The following SEMA6D variants were observed in gnomAD, a reference collection of about 807,000 sequenced individuals.
The protein encoded by SEMA6D is semaphorin 6D, also known as semaphorin-6D.
SEMA6D carries 35 observed loss-of-function variants against 106.6 expected under a neutral mutation model. That is an observed-to-expected ratio of 0.33 (90% CI 0.25 to 0.44). SEMA6D has a LOEUF of 0.44. SEMA6D is among the 20% of genes least tolerant of loss of function. The pLI is 1.00. For missense variants in SEMA6D, 1,185 were observed against 1,345.9 expected, an observed-to-expected ratio of 0.88 and a Z score of 1.87; for synonymous variants, 499 against 487.7, an observed-to-expected ratio of 1.02 and a Z score of -0.31.
intron 1 of SEMA6D, among the ~76,000 whole-genome samples, chr15:47,398,620 T>C (rs2040296020): frequency 6.6e-6 from 1 of 152,130 alleles, no homozygotes; most frequent in Non-Finnish European, 1.5e-5. Flanking sequence ...AGAGATTCGG[T>C]TTGGCACGGA....
Position 47,300,337 on chromosome 15 carries a change from T to G in SEMA6D, c.-238-112056T>G, listed in dbSNP as rs149214249. On this transcript the variant is annotated intron_variant, in intron 1 of 19. Transcript: ENST00000558014. ...ACTTATGAAAAAGGGAAATGGAGAG[T>G]TTTACCCATTTTAGGTCAGTATAAA... Among the ~76,000 whole-genome samples, 222 of 151,906 alleles carry G rather than the reference T, an allele frequency of 1.5e-3. 2 individuals are homozygous for G. The highest frequency in any genetic ancestry group is 6.8e-3 in the Middle Eastern group (2 of 294).
chr15:47,407,400 C>CA (rs1272439298), intron 1 of SEMA6D, among the ~76,000 whole-genome samples: 14 of 85,216 alleles, frequency 1.6e-4, no homozygotes, highest in Non-Finnish European at 2.4e-4. Context: ...AAAACAACAA[C>CA]AACAACAACA....
chr15:47,605,946 C>T (rs945615690), intron 4 of SEMA6D, among the ~76,000 whole-genome samples: 1 of 152,074 alleles, frequency 6.6e-6, no homozygotes, highest in African/African-American at 2.4e-5. Flanking sequence ...AATCTCTAAC[C>T]CCTTTTCCCT....
intron 1 of SEMA6D, among the ~76,000 whole-genome samples, chr15:47,197,275 A>G (rs552534022): frequency 7.4e-4 from 113 of 152,274 alleles, no homozygotes; most frequent in African/African-American, 2.7e-3. Flanking sequence ...TATCTTCCAG[A>G]TGTTTAGAGA....
chr15:47,278,911 A>G (rs1360924353), intron 1 of SEMA6D, among the ~76,000 whole-genome samples: 1 of 146,628 alleles, frequency 6.8e-6, no homozygotes, highest in East Asian at 2.0e-4. Flanking sequence ...TTTGTCAGAG[A>G]TCAGATAGTT....
At chr15:47,196,196 G>A (rs947258352) in intron 1 of SEMA6D, among the ~76,000 whole-genome samples, 1 of 152,068 alleles carries the variant, frequency 6.6e-6, no homozygotes, top group Non-Finnish European at 1.5e-5. Context: ...CCAGCTGTTG[G>A]AGACAAGCTC....
In SEMA6D at chr15:47,688,716, C is replaced by T. The variant is rs116785547; in HGVS notation, c.-54-71029C>T. Among the ~76,000 whole-genome samples, 992 of 152,206 alleles carry T rather than the reference C, an allele frequency of 6.5e-3. 18 individuals are homozygous for T. Among genetic ancestry groups the T allele is most frequent in the African/African-American group, 0.022 (934 of 41,532 alleles). ...ACTTATTTTCAAGTTTTGAGTCTAC[C>T]GTTTCATAATGTAACCTGGCAACTT... On this transcript the variant is annotated intron_variant, in intron 4 of 19. Coordinates refer to the SEMA6D transcript ENST00000558014.
intron 3 of SEMA6D, among the ~76,000 whole-genome samples, chr15:47,529,874 T>TTG (rs1422587462): frequency 6.6e-6 from 1 of 152,232 alleles, no homozygotes; most frequent in Non-Finnish European, 1.5e-5. Context: ...TGCTGCCAGT[T>TTG]TGAAAGAGCA....
intron 1 of SEMA6D, among the ~76,000 whole-genome samples, chr15:47,299,448 G>A (rs1345247413): frequency 2.6e-5 from 4 of 152,174 alleles, no homozygotes; most frequent in African/African-American, 9.6e-5. Context: ...TGTAATTTTG[G>A]ATTCCTTTTG....
chr15:47,246,729 GA>G (rs2033228440), intron 1 of SEMA6D, among the ~76,000 whole-genome samples: 1 of 152,164 alleles, frequency 6.6e-6, no homozygotes, highest in African/African-American at 2.4e-5. Context: ...AGATAATCTA[GA>G]ATAATCTCCC....
intron 3 of SEMA6D, among the ~76,000 whole-genome samples, chr15:47,553,648 A>T (rs555568053): frequency 1.3e-5 from 2 of 152,304 alleles, no homozygotes; most frequent in South Asian, 4.1e-4. Flanking sequence ...TGAAGGTGCA[A>T]ACCAGGCTGT....
At chr15:47,674,859 C>T (rs560762538) in intron 4 of SEMA6D, among the ~76,000 whole-genome samples, 32 of 152,246 alleles carry the variant, frequency 2.1e-4, no homozygotes, top group African/African-American at 7.5e-4. Context: ...ACTGCGCATC[C>T]GAATCCCTTC....
chr15:47,418,858 G>A (rs925388282), intron 2 of SEMA6D, among the ~76,000 whole-genome samples: 5 of 152,098 alleles, frequency 3.3e-5, no homozygotes, highest in Admixed American at 2.0e-4. Flanking sequence ...GGAAGAGATG[G>A]TAGTCACAGG....
intron 1 of SEMA6D, among the ~76,000 whole-genome samples, chr15:47,386,811 A>G (rs2039854686): frequency 6.6e-6 from 1 of 152,226 alleles, no homozygotes; most frequent in Non-Finnish European, 1.5e-5. Context: ...AGGGGCTAGA[A>G]TGGGTTGTTT....
chr15:47,448,999 A>G (rs2042108208), intron 2 of SEMA6D, among the ~76,000 whole-genome samples: 1 of 152,064 alleles, frequency 6.6e-6, no homozygotes, highest in South Asian at 2.1e-4. Context: ...ATCATCAATG[A>G]GAATTGCTAA....
intron 3 of SEMA6D, among the ~76,000 whole-genome samples, chr15:47,564,021 T>C (rs2142751032): frequency 6.6e-6 from 1 of 152,316 alleles, no homozygotes; most frequent in Middle Eastern, 3.4e-3. Context: ...CTTGGAAAGA[T>C]TTCTGACCAC....
At chr15:47,278,400 A>G (rs1367127363) in intron 1 of SEMA6D, among the ~76,000 whole-genome samples, 2 of 152,182 alleles carry the variant, frequency 1.3e-5, no homozygotes, top group Non-Finnish European at 2.9e-5. Context: ...TTTTGGCTGC[A>G]TAAATGTCTT....
At chr15:47,314,734 T>C (rs1293099455) in intron 1 of SEMA6D, among the ~76,000 whole-genome samples, 1 of 151,816 alleles carries the variant, frequency 6.6e-6, no homozygotes, top group East Asian at 1.9e-4. Flanking sequence ...TGGACTTTCA[T>C]AGAGCAGACA....
rs549870316 is a variant in SEMA6D at position 47,746,858 on chromosome 15, A to G, written c.-54-12887A>G. On this transcript the variant is annotated intron_variant, in intron 1 of 18. Coordinates refer to ENST00000536845, the MANE Select transcript of SEMA6D (RefSeq NM_001358351.3). ...GCTGGGATATGCCTGTGGAGGAGAT[A>G]ACCAAAAAAGAAGGCTTTCCATTTC... 3.3e-5 allele frequency among the ~76,000 whole-genome samples: 5 copies of G among 152,214 alleles called. No homozygotes were observed. In the East Asian group the frequency reaches 9.7e-4, roughly 30 times the overall value.
Sources: allele counts gnomAD v4.1 joint callset (sites outside exome capture counted in the v4.1 genomes callset), GRCh38; gene constraint gnomAD v4.1.1; transcripts MANE v1.5; gene names NCBI Gene and HGNC (gene_info 2026-07-23, HGNC 2026-07-21).